SH3GL2: variants seen among roughly 807,000 people sequenced by gnomAD.
SH3GL2 encodes the protein SH3 domain containing GRB2 like 2, endophilin A1, also known as endophilin-A1.
In SH3GL2, 24 loss-of-function variants were observed where a neutral mutation model predicts 46.0. The observed-to-expected ratio is 0.52, with a 90% CI of 0.38 to 0.73. SH3GL2 has a LOEUF of 0.73. Among genes scored for constraint, SH3GL2 ranks in the 30% least tolerant of loss-of-function variants. SH3GL2 has a pLI of 0.00. For missense variants in SH3GL2, 413 were observed against 424.2 expected (o/e 0.97, Z 0.23); for synonymous variants, 196 against 147.1 (o/e 1.33, Z -2.40).
At chr9:17,650,465 G>A (rs955489012) in intron 1 of SH3GL2, among the ~76,000 whole-genome samples, 18 of 152,074 alleles carry the variant, frequency 1.2e-4, no homozygotes, top group African/African-American at 3.9e-4. Context: ...TCTGCCTTCC[G>A]GGTTCAAGCG....
intron 1 of SH3GL2, among the ~76,000 whole-genome samples, chr9:17,638,791 ACCCACCCCT>A (rs969465446): frequency 1.3e-5 from 2 of 152,016 alleles, no homozygotes; most frequent in African/African-American, 4.8e-5. Context: ...GGTCCTTACC[ACCCACCCCT>A]CCTTGATGTC....
At chr9:17,724,200 C>G (rs980583595) in intron 1 of SH3GL2, among the ~76,000 whole-genome samples, 1 of 152,074 alleles carries the variant, frequency 6.6e-6, no homozygotes, top group Non-Finnish European at 1.5e-5. Flanking sequence ...TTTGGATCAT[C>G]TCATCTGCCT....
intron 1 of SH3GL2, among the ~76,000 whole-genome samples, chr9:17,629,205 C>T (rs748801396): frequency 6.6e-6 from 1 of 152,042 alleles, no homozygotes; most frequent in Non-Finnish European, 1.5e-5. Context: ...GCCTTTGTGG[C>T]CCTCATATTG....
chr9:17,761,148 T>G (rs752500496), intron 2 of SH3GL2, among the ~76,000 whole-genome samples: 1 of 152,134 alleles, frequency 6.6e-6, no homozygotes, highest in Non-Finnish European at 1.5e-5. Context: ...AAAATATGTT[T>G]CATTTTATTC....
At position 17,661,545 on chromosome 9, in the gene SH3GL2, T is replaced by C. The variant is rs145664281; in HGVS notation, c.45+82258T>C. ...AGTGATATATATACATGGCCATCAA[T>C]GTGTCATATAAAGAGAATATTAGGA... On this transcript the variant is annotated intron_variant, in intron 1 of 8. Transcript: ENST00000380607. Among the ~76,000 whole-genome samples, 82 of 152,334 alleles carry C rather than the reference T, an allele frequency of 5.4e-4. 1 individual carries two copies. The highest frequency in any genetic ancestry group is 1.9e-3 in the African/African-American group (79 of 41,574).
intron 1 of SH3GL2, among the ~76,000 whole-genome samples, chr9:17,743,093 G>C (rs753813609): frequency 5.3e-5 from 8 of 152,066 alleles, no homozygotes; most frequent in Admixed American, 3.3e-4. Flanking sequence ...CTTCATTATT[G>C]GCCAGATGGA....
chr9:17,725,708 A>C (rs567810651), intron 1 of SH3GL2, among the ~76,000 whole-genome samples: 1 of 152,248 alleles, frequency 6.6e-6, no homozygotes, highest in Non-Finnish European at 1.5e-5. Context: ...CAGTATTCTC[A>C]GACTTTGCTC....
At chr9:17,784,885 A>G (rs780078811) in intron 3 of SH3GL2, among the ~76,000 whole-genome samples, 2 of 152,042 alleles carry the variant, frequency 1.3e-5, no homozygotes, top group Admixed American at 6.6e-5. Context: ...GCTAACTTTT[A>G]AATTTTTCTG....
chr9:17,593,437 A>G (rs1312919512), intron 1 of SH3GL2, among the ~76,000 whole-genome samples: 1 of 151,792 alleles, frequency 6.6e-6, no homozygotes, highest in Non-Finnish European at 1.5e-5. Flanking sequence ...GCTGGTAGGG[A>G]GAAATCCCCA....
intron 1 of SH3GL2, among the ~76,000 whole-genome samples, chr9:17,634,563 G>T (rs2134630799): frequency 6.6e-6 from 1 of 152,160 alleles, no homozygotes; most frequent in Admixed American, 6.5e-5. Context: ...TCTTGTTCTT[G>T]GTTCTACTAC....
At chr9:17,728,773 T>C (rs973186529) in intron 1 of SH3GL2, among the ~76,000 whole-genome samples, 4 of 152,152 alleles carry the variant, frequency 2.6e-5, no homozygotes, top group Non-Finnish European at 4.4e-5. Flanking sequence ...ATGGTTTCCA[T>C]CCTCATCCAT....
chr9:17,737,706 G>A (rs144710760), intron 1 of SH3GL2, among the ~76,000 whole-genome samples: 1 of 152,026 alleles, frequency 6.6e-6, no homozygotes, highest in Admixed American at 6.6e-5. Flanking sequence ...CGTTTTCGTT[G>A]GTTCTTTCCC....
chr9:17,730,244 A>G (rs1822138143), intron 1 of SH3GL2, among the ~76,000 whole-genome samples: 1 of 152,080 alleles, frequency 6.6e-6, no homozygotes, highest in South Asian at 2.1e-4. Context: ...GAGTTTACTC[A>G]TGATTGGGCT....
intron 1 of SH3GL2, among the ~76,000 whole-genome samples, chr9:17,655,571 A>G (rs1820054361): frequency 6.6e-6 from 1 of 152,230 alleles, no homozygotes; most frequent in East Asian, 1.9e-4. Context: ...GTTACATTGC[A>G]TCTTATCAAT....
At chr9:17,690,896 T>C (rs1821060012) in intron 1 of SH3GL2, among the ~76,000 whole-genome samples, 1 of 152,144 alleles carries the variant, frequency 6.6e-6, no homozygotes. Flanking sequence ...TTAGAAGATC[T>C]TGCCAGAATG....
At chr9:17,762,782 G>A (rs1202416349) in intron 3 of SH3GL2, among the ~76,000 whole-genome samples, 3 of 152,148 alleles carry the variant, frequency 2.0e-5, no homozygotes, top group Non-Finnish European at 4.4e-5. Context: ...AACCTTCTTG[G>A]TAACCACTGT....
intron 1 of SH3GL2, among the ~76,000 whole-genome samples, chr9:17,655,322 C>G (rs1434820705): frequency 3.3e-5 from 5 of 152,132 alleles, no homozygotes; most frequent in Admixed American, 3.3e-4. Flanking sequence ...TTTTGTCCCT[C>G]CCTCTTCCTG....
chr9:17,701,822 G>C (rs1029864620), intron 1 of SH3GL2, among the ~76,000 whole-genome samples: 2 of 151,948 alleles, frequency 1.3e-5, no homozygotes, highest in Non-Finnish European at 2.9e-5. Context: ...AAACAGAAAA[G>C]CATACCATGT....
intron 1 of SH3GL2, among the ~76,000 whole-genome samples, chr9:17,687,414 G>A (rs10117362): frequency 0.013 from 2,038 of 151,516 alleles, 59 homozygotes; most frequent in African/African-American, 0.046. Flanking sequence ...GATATTGGAG[G>A]AGGAGTATGC....
Sources: gnomAD v4.1 joint callset for allele counts (sites outside exome capture counted in the v4.1 genomes callset) on GRCh38, gnomAD v4.1.1 for gene constraint, MANE v1.5 for transcripts, NCBI Gene and HGNC (gene_info 2026-07-23, HGNC 2026-07-21) for gene names.